ERCC1: variants seen among roughly 807,000 people sequenced by gnomAD.
The protein encoded by ERCC1 is ERCC excision repair 1, endonuclease non-catalytic subunit.
In ERCC1, 36 loss-of-function variants were observed where a neutral mutation model predicts 37.6. The observed-to-expected ratio is 0.96, with a 90% CI of 0.73 to 1.26. The LOEUF is 1.26. ERCC1 is among the 50% of genes most tolerant of loss of function. The pLI, the probability that ERCC1 is intolerant of heterozygous loss-of-function variation, is 0.00. For synonymous variants in ERCC1, 156 were observed against 162.1 expected, an observed-to-expected ratio of 0.96 and a Z score of 0.28; for missense variants, 349 against 376.5, an observed-to-expected ratio of 0.93 and a Z score of 0.60.
At chr19:45,426,418 G>T (rs1310756440), upstream of ERCC1, among the ~76,000 whole-genome samples, 1 of 150,690 alleles carries the variant, frequency 6.6e-6, no homozygotes, top group African/African-American at 2.4e-5. Context: ...GGGCATGGTG[G>T]CACATGCCTG....
chr19:45,443,017 G>T (rs1263973632), intron 1 of ERCC1, among the ~76,000 whole-genome samples: 1 of 152,054 alleles, frequency 6.6e-6, no homozygotes, highest in African/African-American at 2.4e-5. Flanking sequence ...CATGCCCCGC[G>T]GGGGGGATGA....
chr19:45,434,239 G>A (rs1291064841), intron 1 of ERCC1, among the ~76,000 whole-genome samples: 1 of 151,530 alleles, frequency 6.6e-6, no homozygotes, highest in East Asian at 1.9e-4. Flanking sequence ...CCAGCACTTT[G>A]GGAAGCTAAG....
At chr19:45,422,364 G>A (rs1442952000) in intron 2 of ERCC1, among the ~76,000 whole-genome samples, 1 of 152,034 alleles carries the variant, frequency 6.6e-6, no homozygotes, top group Non-Finnish European at 1.5e-5. Flanking sequence ...TCAGGGCTTT[G>A]GCACTGGCTG....
chr19:45,413,886 G>T, intron 8 of ERCC1, 77 bp downstream of exon 8: 1 of 1,571,290 alleles, frequency 6.4e-7, no homozygotes, highest in Non-Finnish European at 8.8e-7. Flanking sequence ...CAGGGAGATG[G>T]AAGGAAATGG....
At chr19:45,431,819 A>G (rs983246777) in intron 1 of ERCC1, among the ~76,000 whole-genome samples, 5 of 152,148 alleles carry the variant, frequency 3.3e-5, no homozygotes, top group Non-Finnish European at 7.4e-5. Flanking sequence ...TGAGCCTAGC[A>G]GGTGGAGGCT....
At chr19:45,446,808 A>G (rs1966957078) in intron 1 of ERCC1, among the ~76,000 whole-genome samples, 2 of 151,798 alleles carry the variant, frequency 1.3e-5, no homozygotes. Context: ...GACCAGCCTG[A>G]CCAACATGGT....
chr19:45,448,789 C>G (rs1002237955), intron 1 of ERCC1, among the ~76,000 whole-genome samples: 3 of 152,060 alleles, frequency 2.0e-5, no homozygotes, highest in Non-Finnish European at 2.9e-5. Flanking sequence ...AAAGACCCCC[C>G]ACCCCGCCCC....
At chr19:45,436,292 C>T (rs939306954) in intron 1 of ERCC1, among the ~76,000 whole-genome samples, 1 of 152,120 alleles carries the variant, frequency 6.6e-6, no homozygotes, top group Non-Finnish European at 1.5e-5. Flanking sequence ...AGTTTCTTAA[C>T]GGCTACTATA....
chr19:45,407,600 A>T lies in ERCC1; in HGVS notation c.*2075T>A. The stretch of plus-strand genomic sequence containing the variant: ...GGCTGCATTCTTAGGACATTTGGAC[A>T]TTCTGCAGGCTTGGTGGAACATGTT... On this transcript the variant is annotated 3_prime_UTR_variant, in exon 10 of 10. Transcript: ENST00000300853. The T allele has an allele frequency of 3.4e-6, 1 of 290,032 alleles. No individual in the cohort carries two copies. The highest frequency in any genetic ancestry group is 6.4e-6 in the Non-Finnish European group (1 of 156,428). The allele number at this position is 290,032 out of a possible 1,614,324, so 18.0% of individuals were successfully genotyped here.
At position 45,407,714 on chromosome 19, in the gene ERCC1, G is replaced by A; in HGVS notation, c.*1961C>T. The stretch of plus-strand genomic sequence containing the variant: ...GGCCATAAGCATGAACCTTGTAAGT[G>A]CCTAGCTACTCACTTTAAGATGGAG... On this transcript the variant is annotated 3_prime_UTR_variant, in exon 10 of 10. Coordinates refer to ENST00000300853, the MANE Select transcript of ERCC1 (RefSeq NM_001983.4). The A allele has an allele frequency of 4.0e-6, 1 of 247,120 alleles. No homozygotes were observed. Among genetic ancestry groups the A allele is most frequent in the Non-Finnish European group, 7.8e-6 (1 of 128,020 alleles). 15.3% of individuals were successfully genotyped at this position (247,120 alleles called of 1,614,324 possible).
In ERCC1 at chr19:45,414,919, T is replaced by G; in HGVS notation, c.644A>C (p.Tyr215Ser). Reference protein sequence around the residue: ...AGRYLETYKAYEQKPADLLME... With the variant: ...AGRYLETYKASEQKPADLLME... ...CAGGAGGTCCGCTGGTTTCTGCTCA[T>G]AGGCCTTGTAGGTCTCCAGGTACCG... The change falls in exon 7 of 10, where the codon TAT becomes TCT. Residue 215 changes from tyrosine to serine, a missense_variant. By Grantham distance (144) the Tyr-to-Ser change is moderately radical (BLOSUM62 -2). Coordinates refer to ENST00000300853, the MANE Select transcript of ERCC1 (RefSeq NM_001983.4). 6.2e-7 allele frequency: 1 copy of G among 1,613,948 alleles called. No individual in the cohort carries two copies. The highest frequency in any genetic ancestry group is 8.5e-7 in the Non-Finnish European group (1 of 1,179,894).
In ERCC1 at chr19:45,408,659, G is replaced by A. The variant is rs796868856; in HGVS notation, c.*1016C>T. On this transcript the variant is annotated 3_prime_UTR_variant, in exon 10 of 10. Coordinates refer to ENST00000300853, the MANE Select transcript of ERCC1 (RefSeq NM_001983.4). Reference sequence around the variant, plus strand: ...AGAACCAGAGGCAGCAGGGCCTGTGGGGACAGAGCCCACAGTGGAGACACT... The same window carrying A: ...AGAACCAGAGGCAGCAGGGCCTGTGAGGACAGAGCCCACAGTGGAGACACT... 1 of 1,613,910 alleles carries A rather than the reference G, an allele frequency of 6.2e-7. No homozygotes were observed. Among genetic ancestry groups the A allele is most frequent in the Admixed American group, 1.7e-5 (1 of 60,006 alleles).
At chr19:45,436,282 A>C (rs1401178433) in intron 1 of ERCC1, among the ~76,000 whole-genome samples, 1 of 152,140 alleles carries the variant, frequency 6.6e-6, no homozygotes, top group Admixed American at 6.6e-5. Flanking sequence ...AGATTGCATT[A>C]GTTTCTTAAC....
Position 45,413,664 on chromosome 19 carries a change from C to T in ERCC1, c.843+13G>A. 6.2e-7 allele frequency: 1 copy of T among 1,614,194 alleles called. No homozygotes were observed. Among genetic ancestry groups the T allele is most frequent in the Non-Finnish European group, 8.5e-7 (1 of 1,180,044 alleles). ...TTCCCCCAACTCCTTGGGTTCTTTC[C>T]CAGAGCTCTTACTTTCTGAGGGCCC... On this transcript the variant is annotated intron_variant, in intron 9 of 9. Transcript: ENST00000300853.
At chr19:45,440,709 C>T (rs1975098993) in intron 1 of ERCC1, among the ~76,000 whole-genome samples, 1 of 152,092 alleles carries the variant, frequency 6.6e-6, no homozygotes, top group Non-Finnish European at 1.5e-5. Flanking sequence ...ATTTACCCAC[C>T]TCCACTAATA....
At chr19:45,430,081 G>C (rs949779087) in intron 1 of ERCC1, among the ~76,000 whole-genome samples, 10 of 152,200 alleles carry the variant, frequency 6.6e-5, no homozygotes, top group Non-Finnish European at 1.5e-4. Flanking sequence ...ACCGCGTCCA[G>C]CCGGAGCAAT....
intron 1 of ERCC1, among the ~76,000 whole-genome samples, chr19:45,441,980 C>A (rs1265121806): frequency 6.6e-6 from 1 of 151,136 alleles, no homozygotes; most frequent in Non-Finnish European, 1.5e-5. Context: ...CTGTGCACAG[C>A]ACTTTTTTTT....
intron 5 of ERCC1, among the ~76,000 whole-genome samples, chr19:45,417,777 G>C (rs1241005182): frequency 1.3e-5 from 2 of 152,062 alleles, no homozygotes; most frequent in Non-Finnish European, 2.9e-5. Context: ...TTGGCTCATT[G>C]CAACCTCCAC....
chr19:45,438,505 G>C (rs1975039769), intron 1 of ERCC1, among the ~76,000 whole-genome samples: 1 of 152,114 alleles, frequency 6.6e-6, no homozygotes, highest in African/African-American at 2.4e-5. Flanking sequence ...CTGTCGCCCA[G>C]GCTGGAGTGC....
Sources: gnomAD v4.1 joint callset for allele counts (sites outside exome capture counted in the v4.1 genomes callset) on GRCh38, gnomAD v4.1.1 for gene constraint, MANE v1.5 for transcripts, NCBI Gene and HGNC (gene_info 2026-07-23, HGNC 2026-07-21) for gene names.